The following PTPRM variants were observed in gnomAD, a reference collection of about 807,000 sequenced individuals.
PTPRM encodes the protein receptor-type tyrosine-protein phosphatase mu.
In PTPRM, 47 loss-of-function variants were observed where a neutral mutation model predicts 186.7. That is an observed-to-expected ratio of 0.25 (90% CI 0.20 to 0.32). The LOEUF is 0.32. PTPRM is among the 10% of genes least tolerant of loss of function. The pLI, the probability that PTPRM is intolerant of heterozygous loss-of-function variation, is 1.00. For synonymous variants in PTPRM, 668 were observed against 674.9 expected (o/e 0.99, Z 0.16); for missense variants, 1,494 against 1,865.0 (o/e 0.80, Z 3.66).
chr18:8,396,396 C>A (rs2095845624), intron 32 of PTPRM, among the ~76,000 whole-genome samples: 1 of 152,212 alleles, frequency 6.6e-6, no homozygotes, highest in Non-Finnish European at 1.5e-5. Context: ...CCTCTCACTG[C>A]AGCCTGAATT....
chr18:7,670,354 A>G (rs962704186), intron 1 of PTPRM, among the ~76,000 whole-genome samples: 1 of 152,282 alleles, frequency 6.6e-6, no homozygotes, highest in Admixed American at 6.5e-5. Context: ...CTTTTTACTT[A>G]TATAGATTCT....
intron 1 of PTPRM, among the ~76,000 whole-genome samples, chr18:7,620,242 G>T (rs745612535): frequency 6.6e-5 from 10 of 152,242 alleles, no homozygotes; most frequent in Non-Finnish European, 2.9e-5. Context: ...TTTCTCCTTT[G>T]TTTCTTGTTG....
intron 1 of PTPRM, among the ~76,000 whole-genome samples, chr18:7,586,251 G>A (rs910587202): frequency 6.6e-6 from 1 of 152,000 alleles, no homozygotes. Context: ...TTCAATATCC[G>A]GGATCTTTTT....
At chr18:8,300,124 T>A (rs879835911) in intron 20 of PTPRM, among the ~76,000 whole-genome samples, 15 of 152,126 alleles carry the variant, frequency 9.9e-5, no homozygotes, top group Non-Finnish European at 2.1e-4. Flanking sequence ...GGATAAGACA[T>A]GCATGAAATA....
intron 7 of PTPRM, among the ~76,000 whole-genome samples, chr18:8,016,814 A>G (rs1234231394): frequency 6.6e-6 from 1 of 152,192 alleles, no homozygotes; most frequent in Non-Finnish European, 1.5e-5. Flanking sequence ...ATCTATCCAT[A>G]CCAATAATCT....
intron 19 of PTPRM, among the ~76,000 whole-genome samples, chr18:8,262,912 A>G (rs1347986981): frequency 6.6e-6 from 1 of 152,178 alleles, no homozygotes; most frequent in African/African-American, 2.4e-5. Context: ...AGAGATGGAT[A>G]TAGAACTATT....
intron 23 of PTPRM, among the ~76,000 whole-genome samples, chr18:8,363,503 A>G (rs1043121218): frequency 6.6e-6 from 1 of 152,198 alleles, no homozygotes; most frequent in African/African-American, 2.4e-5. Context: ...CTGGCGGCAT[A>G]TATATGTATT....
chr18:7,606,687 A>G (rs2037538653), intron 1 of PTPRM, among the ~76,000 whole-genome samples: 1 of 152,066 alleles, frequency 6.6e-6, no homozygotes, highest in Non-Finnish European at 1.5e-5. Context: ...TTATTTGGCT[A>G]ATTTGTATTT....
intron 2 of PTPRM, among the ~76,000 whole-genome samples, chr18:7,861,936 G>T (rs560065981): frequency 6.6e-6 from 1 of 152,178 alleles, no homozygotes; most frequent in African/African-American, 2.4e-5. Flanking sequence ...TAAGATTTCT[G>T]TCTTACCTAG....
At chr18:8,248,221 A>G (rs1365036597) in intron 17 of PTPRM, 45 bp downstream of exon 17, 2 of 1,494,788 alleles carry the variant, frequency 1.3e-6, no homozygotes, top group East Asian at 4.5e-5. Context: ...GGAGTAATTT[A>G]GAAAGTCAGT....
At chr18:7,937,400 G>A (rs34296167) in intron 5 of PTPRM, among the ~76,000 whole-genome samples, 21,740 of 152,174 alleles carry the variant, frequency 0.14, 1,819 homozygotes, top group Non-Finnish European at 0.19. Context: ...TGCCCATGCC[G>A]GCACCTGGAG....
At chr18:8,380,066 A>G (rs1170571518) in intron 28 of PTPRM, among the ~76,000 whole-genome samples, 1 of 152,266 alleles carries the variant, frequency 6.6e-6, no homozygotes, top group Non-Finnish European at 1.5e-5. Flanking sequence ...AAAATTGATA[A>G]GAGATACTAA....
intron 7 of PTPRM, among the ~76,000 whole-genome samples, chr18:7,967,710 T>A (rs966059882): frequency 1.5e-5 from 2 of 134,302 alleles, no homozygotes; most frequent in South Asian, 2.6e-4. Context: ...GTATCAGCAA[T>A]GCAAGATGAA....
At chr18:8,237,448 T>A (rs200228545) in intron 14 of PTPRM, among the ~76,000 whole-genome samples, 3,530 of 119,202 alleles carry the variant, frequency 0.03, 78 homozygotes, top group East Asian at 0.053. Flanking sequence ...TTTTTTTTTT[T>A]TTTTTTTTTT....
At chr18:7,677,668 A>G (rs60524496) in intron 1 of PTPRM, among the ~76,000 whole-genome samples, 4,380 of 152,080 alleles carry the variant, frequency 0.029, 223 homozygotes, top group African/African-American at 0.1. Flanking sequence ...CAGGCCTGCA[A>G]CTTCCCTCCT....
chr18:7,580,544 A>G (rs1170976986), intron 1 of PTPRM, among the ~76,000 whole-genome samples: 2 of 152,206 alleles, frequency 1.3e-5, no homozygotes, highest in Non-Finnish European at 2.9e-5. Context: ...TTGATAATAT[A>G]CGTAAGCCTT....
chr18:8,040,011 G>A (rs184230826), intron 7 of PTPRM, among the ~76,000 whole-genome samples: 27 of 152,218 alleles, frequency 1.8e-4, no homozygotes, highest in African/African-American at 5.1e-4. Flanking sequence ...AACAAGTTAC[G>A]GTTAGACATT....
chr18:7,834,992 CTTTTT>C (rs57839485), intron 2 of PTPRM, among the ~76,000 whole-genome samples: 6 of 85,246 alleles, frequency 7.0e-5, no homozygotes, highest in East Asian at 3.7e-4. Flanking sequence ...TTATTTGGAT[CTTTTT>C]TTTTTTTTTT....
chr18:7,979,960 C>T (rs1399692405), intron 7 of PTPRM, among the ~76,000 whole-genome samples: 2 of 152,192 alleles, frequency 1.3e-5, no homozygotes, highest in African/African-American at 4.8e-5. Flanking sequence ...GTCTTCAGCC[C>T]AGCTCTCGCT....
Sources: gnomAD v4.1 joint callset for allele counts (sites outside exome capture counted in the v4.1 genomes callset) on GRCh38, gnomAD v4.1.1 for gene constraint, MANE v1.5 for transcripts, NCBI Gene and HGNC (gene_info 2026-07-23, HGNC 2026-07-21) for gene names.